Variants in RIPK2 observed in about 807,000 individuals in gnomAD.
RIPK2 encodes the protein receptor interacting serine/threonine kinase 2.
A neutral mutation model predicts 60.9 loss-of-function variants in RIPK2; 38 were observed. The ratio of observed to expected loss-of-function variants is 0.62; its 90% CI spans 0.48 to 0.82. RIPK2 has a LOEUF of 0.82. RIPK2 is among the 40% of genes least tolerant of loss of function. The probability of loss-of-function intolerance (pLI) is 0.00; values close to 1 mark genes in which losing one functional copy is unlikely to be tolerated. For synonymous variants in RIPK2, 225 were observed against 223.4 expected (o/e 1.01, Z -0.06); for missense variants, 518 against 647.0 (o/e 0.80, Z 2.16).
chr8:89,762,910 C>A lies in RIPK2; in HGVS notation c.255C>A (p.Cys85Ter). 6.5e-7 allele frequency: 1 copy of A among 1,535,490 alleles called. No homozygotes were observed. The change falls in exon 2 of 11, where the codon TGC becomes TGA. Residue 85 changes from cysteine to a stop codon, truncating the protein, a stop_gained. Coordinates refer to ENST00000220751, the MANE Select transcript of RIPK2 (RefSeq NM_003821.6). LOFTEE classifies it high-confidence loss of function. ...FSYILPILGI[C>*]NEPEFLGIVT... ...ACATTCTTCCAATTTTGGGAATTTG[C>A]AATGAGCCTGAATTTTTGGGAATAG...
chr8:89,770,701 G>T (rs1809298972), intron 4 of RIPK2, among the ~76,000 whole-genome samples: 8 of 151,652 alleles, frequency 5.3e-5, no homozygotes, highest in Admixed American at 5.3e-4. Context: ...AATCATTTTA[G>T]GAATGAATGC....
chr8:89,758,163 G>A lies in RIPK2; in HGVS notation c.103G>A (p.Ala35Thr). ...SRGASGTVSSARHADWRVQVA... is the reference protein window; with the variant it reads ...SRGASGTVSSTRHADWRVQVA... ...CGGCGCCTCTGGCACTGTGTCGTCCGCCCGCCACGCAGACTGGCGCGTCCA... is the reference window on the plus strand; with the variant it reads ...CGGCGCCTCTGGCACTGTGTCGTCCACCCGCCACGCAGACTGGCGCGTCCA... The change falls in exon 1 of 11, where the codon GCC becomes ACC. Residue 35 changes from alanine (A) to threonine (T), a missense_variant. Physicochemically the swap from Ala to Thr is moderately conservative, Grantham distance 58 (BLOSUM62 0). Around this residue, in one of 3 missense-constraint regions of RIPK2, gnomAD observed 448 missense variants for 534.7 expected, o/e 0.84. Transcript: ENST00000220751. The A allele has an allele frequency of 1.3e-6, 2 of 1,595,424 alleles. No individual in the cohort carries two copies. Among genetic ancestry groups the A allele is most frequent in the Admixed American group, 1.7e-5 (1 of 58,156 alleles).
chr8:89,760,316 A>G (rs537111728), intron 1 of RIPK2, among the ~76,000 whole-genome samples: 5 of 152,240 alleles, frequency 3.3e-5, no homozygotes, highest in African/African-American at 9.6e-5. Context: ...CGATGAGTGG[A>G]CCTTCCCCAA....
chr8:89,762,217 A>G (rs989642075), intron 1 of RIPK2, among the ~76,000 whole-genome samples: 1 of 152,152 alleles, frequency 6.6e-6, no homozygotes, highest in Non-Finnish European at 1.5e-5. Flanking sequence ...TGTTTTACAT[A>G]TGAATAAACA....
At chr8:89,782,675 T>G (rs1031027786) in intron 7 of RIPK2, among the ~76,000 whole-genome samples, 22 of 152,042 alleles carry the variant, frequency 1.4e-4, no homozygotes, top group African/African-American at 5.3e-4. Context: ...AAAGCCAAAA[T>G]TAGTAGGGAA....
In RIPK2 at chr8:89,790,730, G is replaced by T; in HGVS notation, c.*314G>T. On this transcript the variant is annotated 3_prime_UTR_variant, in exon 11 of 11. Coordinates refer to ENST00000220751, the MANE Select transcript of RIPK2 (RefSeq NM_003821.6). ...TGATGGAAGCCATTTTCACATTCATGTTCTTCATGGATTATTTGTTACTTG... is the reference window on the plus strand; with the variant it reads ...TGATGGAAGCCATTTTCACATTCATTTTCTTCATGGATTATTTGTTACTTG... 4.5e-6 allele frequency: 1 copy of T among 222,392 alleles called. No individual in the cohort carries two copies. The highest frequency in any genetic ancestry group is 1.1e-4 in the East Asian group (1 of 9,104). 13.8% of individuals were successfully genotyped at this position (222,392 alleles called of 1,614,324 possible). A position where few individuals can be genotyped will look rare whatever the true frequency, so the allele number is the denominator to read the frequency against.
At chr8:89,786,092 C>G (rs1361494483) in intron 8 of RIPK2, among the ~76,000 whole-genome samples, 2 of 152,086 alleles carry the variant, frequency 1.3e-5, no homozygotes, top group African/African-American at 2.4e-5. Flanking sequence ...CTATTTCGCC[C>G]ATTTGTGTTA....
intron 6 of RIPK2, among the ~76,000 whole-genome samples, chr8:89,778,564 A>G (rs758403516): frequency 1.3e-5 from 2 of 152,178 alleles, no homozygotes; most frequent in East Asian, 1.9e-4. Flanking sequence ...AATGATAACA[A>G]TGTGTGGTCC....
At chr8:89,767,461 C>T (rs1464589549) in intron 3 of RIPK2, among the ~76,000 whole-genome samples, 1 of 151,638 alleles carries the variant, frequency 6.6e-6, no homozygotes, top group Non-Finnish European at 1.5e-5. Flanking sequence ...ATTGAAGACA[C>T]TCCTCTCCTT....
Position 89,763,975 on chromosome 8 carries a change from C to G in RIPK2, c.327+993C>G, listed in dbSNP as rs191550150. 1.2e-3 allele frequency among the ~76,000 whole-genome samples: 189 copies of G among 152,254 alleles called. 1 individual carries two copies. Among genetic ancestry groups the G allele is most frequent in the African/African-American group, 4.5e-3 (186 of 41,560 alleles). ...TTCTTCCCACACCCCAGCAGATACT[C>G]TGGCACCCAAATTTGCAGCTCGCTG... On this transcript the variant is annotated intron_variant, in intron 2 of 10. Transcript: ENST00000220751.
chr8:89,785,549 A>G lies in RIPK2; in HGVS notation c.1030-1044A>G, dbSNP rs556954128. On this transcript the variant is annotated intron_variant, in intron 8 of 10. Transcript: ENST00000220751. ...TATATGAAACATAAATGAATTTTAT[A>G]TTTAGACTTGGGTCCCAACCCCAAG... Among the ~76,000 whole-genome samples the G allele has an allele frequency of 2.0e-5, 3 of 152,318 alleles. No homozygotes were observed. The South Asian group carries it at 6.2e-4, about 32-fold the overall frequency.
chr8:89,779,673 T>C (rs1809465522), intron 6 of RIPK2, among the ~76,000 whole-genome samples: 1 of 152,136 alleles, frequency 6.6e-6, no homozygotes, highest in Non-Finnish European at 1.5e-5. Flanking sequence ...CTAAGAACTC[T>C]GCCTAACCCA....
rs1809211059 is a variant in RIPK2 at position 89,765,431 on chromosome 8, C to A, written c.418C>A (p.Pro140Thr). The A allele has an allele frequency of 6.3e-7, 1 of 1,599,952 alleles. No homozygotes were observed. Among genetic ancestry groups the A allele is most frequent in the African/African-American group, 1.3e-5 (1 of 74,524 alleles). The change falls in exon 3 of 11, where the codon CCT becomes ACT. Residue 140 changes from proline (P) to threonine (T), a missense_variant. Pro to Thr is a conservative substitution (Grantham distance 38, BLOSUM62 -1). This residue lies in a region of RIPK2 where 448 missense variants were observed against 534.7 expected (regional missense o/e 0.84). Coordinates refer to ENST00000220751, the MANE Select transcript of RIPK2 (RefSeq NM_003821.6). The stretch of plus-strand genomic sequence containing the variant: ...TGTAAATTACCTGCACAATATGACT[C>A]CTCCTTTACTTCATCATGACTTGAA... ...LGVNYLHNMT[P>T]PLLHHDLKTQ...
At chr8:89,762,565 G>A (rs569368299) in intron 1 of RIPK2, among the ~76,000 whole-genome samples, 7 of 152,274 alleles carry the variant, frequency 4.6e-5, no homozygotes, top group Admixed American at 1.3e-4. Context: ...CCTGGGATAA[G>A]TACAATAATA....
intron 6 of RIPK2, among the ~76,000 whole-genome samples, chr8:89,779,779 C>G (rs1318395226): frequency 6.6e-6 from 1 of 152,146 alleles, no homozygotes; most frequent in Non-Finnish European, 1.5e-5. Context: ...CTAAATTTAT[C>G]TGTTTCCAGG....
intron 2 of RIPK2, among the ~76,000 whole-genome samples, chr8:89,764,641 T>C (rs1389436333): frequency 2.0e-5 from 3 of 152,106 alleles, no homozygotes; most frequent in Non-Finnish European, 4.4e-5. Context: ...TGGATATTAT[T>C]TGAGTACTAT....
Position 89,757,982 on chromosome 8 carries a change from G to T in RIPK2, c.-79G>T. On this transcript the variant is annotated 5_prime_UTR_variant, in exon 1 of 11. Transcript: ENST00000220751. ...CTCGCTCGTGCAGGGGCGTATCTGGGCGCCTGAGCGCGGCGTGGGAGCCTT... is the reference window on the plus strand; with the variant it reads ...CTCGCTCGTGCAGGGGCGTATCTGGTCGCCTGAGCGCGGCGTGGGAGCCTT... 6.9e-7 allele frequency: 1 copy of T among 1,454,806 alleles called. No homozygotes were observed. The allele number at this position is 1,454,806 out of a possible 1,614,324, so 90.1% of individuals were successfully genotyped here.
intron 1 of RIPK2, among the ~76,000 whole-genome samples, chr8:89,761,508 C>T (rs902639063): frequency 2.6e-5 from 4 of 152,042 alleles, no homozygotes; most frequent in African/African-American, 9.7e-5. Context: ...AATCTCCTAA[C>T]ACCTGACTTT....
At chr8:89,767,828 T>C (rs917051419) in intron 3 of RIPK2, among the ~76,000 whole-genome samples, 2 of 151,834 alleles carry the variant, frequency 1.3e-5, no homozygotes, top group Admixed American at 1.3e-4. Flanking sequence ...AAGATAGCTA[T>C]GAGCTGTCTC....
Sources: gnomAD v4.1 joint callset for allele counts (sites outside exome capture counted in the v4.1 genomes callset) on GRCh38, gnomAD v4.1.1 for gene constraint, gnomAD v4.1.1 regional missense constraint, MANE v1.5 for transcripts, NCBI Gene and HGNC (gene_info 2026-07-23, HGNC 2026-07-21) for gene names.